The following RPP14 variants were observed in gnomAD, a reference collection of about 807,000 sequenced individuals.
RPP14 encodes the protein ribonuclease P protein subunit p14.
A neutral mutation model predicts 17.8 loss-of-function variants in RPP14; 19 were observed. The observed-to-expected ratio is 1.07, with a 90% CI of 0.74 to 1.57. RPP14 has a LOEUF of 1.57. Among genes scored for constraint, RPP14 ranks in the 40% most tolerant of loss-of-function variants. The pLI is 0.00. For synonymous variants in RPP14, 60 were observed against 56.4 expected (o/e 1.06, Z -0.29); for missense variants, 125 against 140.8 (o/e 0.89, Z 0.57).
intron 1 of RPP14, chr3:58,306,793 G>A (rs890825634): frequency 6.6e-6 from 1 of 152,058 alleles, no homozygotes; most frequent in African/African-American, 2.4e-5. Flanking sequence ...AGTGTTTTAG[G>A]GCCTTGGGAA....
intron 1 of RPP14, among the ~76,000 whole-genome samples, chr3:58,308,222 C>A (rs763289179): frequency 6.6e-6 from 1 of 152,052 alleles, no homozygotes; most frequent in Non-Finnish European, 1.5e-5. Context: ...ATATATAGGC[C>A]TATACCACTA....
At position 58,310,505 on chromosome 3, in the gene RPP14, A is replaced by C; in HGVS notation, c.78-2A>C. 1 of 1,604,714 alleles carries C rather than the reference A, an allele frequency of 6.2e-7. No homozygotes were observed. Among genetic ancestry groups the C allele is most frequent in the Non-Finnish European group, 8.5e-7 (1 of 1,176,824 alleles). ...GACTTTTTTTTTTTTCACTTTTTTT[A>C]GAGAATTTCAAGATTGTGGAGTTGG... On this transcript the variant is annotated splice_acceptor_variant, in intron 2 of 5. Transcript: ENST00000295959. LOFTEE classifies it high-confidence loss of function.
chr3:58,313,506 T>G (rs2097484674), intron 3 of RPP14, among the ~76,000 whole-genome samples: 1 of 152,154 alleles, frequency 6.6e-6, no homozygotes, highest in African/African-American at 2.4e-5. Flanking sequence ...AATTTAAAAC[T>G]TTTACTCTGC....
At chr3:58,315,470 T>C (rs993450150) in intron 3 of RPP14, among the ~76,000 whole-genome samples, 2 of 152,174 alleles carry the variant, frequency 1.3e-5, no homozygotes, top group African/African-American at 4.8e-5. Flanking sequence ...GTGGTAGTTA[T>C]ATGAAGCTAC....
At chr3:58,315,575 C>A (rs1352871494) in intron 3 of RPP14, 1 of 152,198 alleles carries the variant, frequency 6.6e-6, no homozygotes, top group African/African-American at 2.4e-5. Flanking sequence ...TGTACCAATA[C>A]CAGTTTTGTA....
chr3:58,314,788 G>A (rs2097486594), intron 3 of RPP14, among the ~76,000 whole-genome samples: 1 of 149,092 alleles, frequency 6.7e-6, no homozygotes, highest in Admixed American at 6.8e-5. Context: ...AGGTTCAGGC[G>A]ATTCTCCTGT....
chr3:58,315,203 C>G (rs536358772), intron 3 of RPP14, among the ~76,000 whole-genome samples: 1 of 151,958 alleles, frequency 6.6e-6, no homozygotes, highest in Non-Finnish European at 1.5e-5. Context: ...GGAATATACT[C>G]GACAGTGAAA....
chr3:58,317,778 CT>C lies in RPP14; in HGVS notation c.*284del, dbSNP rs1363458691. On this transcript the variant is annotated 3_prime_UTR_variant, in exon 6 of 6. Transcript: ENST00000295959. ...CCTTCACACAGACTGATGTGGCTAC[CT>C]TCTCAGAATTAACAGGGGATGTCAA... is the stretch of plus-strand genomic sequence containing the variant. The C allele has an allele frequency of 1.4e-6, 1 of 703,134 alleles. No homozygotes were observed. Among genetic ancestry groups the C allele is most frequent in the Non-Finnish European group, 2.6e-6 (1 of 385,004 alleles). The allele number at this position is 703,134 out of a possible 1,614,324, so 43.6% of individuals were successfully genotyped here.
intron 3 of RPP14, among the ~76,000 whole-genome samples, chr3:58,312,853 T>A (rs1312378693): frequency 1.3e-5 from 2 of 150,080 alleles, no homozygotes; most frequent in African/African-American, 4.9e-5. Context: ...CCCAGCTACT[T>A]GGAAGACTGA....
rs1329487898 is a variant in RPP14 at position 58,320,190 on chromosome 3, C to T, written c.*2694C>T. 2.0e-5 allele frequency: 3 copies of T among 151,950 alleles called. No homozygotes were observed. The highest frequency in any genetic ancestry group is 2.9e-5 in the Non-Finnish European group (2 of 68,000). The allele number at this position is 151,950 out of a possible 1,614,324, so 9.4% of individuals were successfully genotyped here. A position where few individuals can be genotyped will look rare whatever the true frequency, so the allele number is the denominator to read the frequency against. Reference sequence around the variant, plus strand: ...TGAATAATATTCCATTGTATTTACCCATACATCAGTTGATATTTGGATTAT... The same window carrying T: ...TGAATAATATTCCATTGTATTTACCTATACATCAGTTGATATTTGGATTAT... On this transcript the variant is annotated 3_prime_UTR_variant, in exon 6 of 6. Coordinates refer to ENST00000295959, the MANE Select transcript of RPP14 (RefSeq NM_007042.6).
intron 3 of RPP14, among the ~76,000 whole-genome samples, chr3:58,315,039 C>T (rs751643377): frequency 6.6e-6 from 1 of 152,124 alleles, no homozygotes; most frequent in Non-Finnish European, 1.5e-5. Flanking sequence ...AGCATTAGCA[C>T]TCCTGGGCAT....
Position 58,309,964 on chromosome 3 carries a change from C to T in RPP14, c.-21-345C>T, listed in dbSNP as rs2107500308. The T allele has an allele frequency of 9.8e-6, 2 of 204,080 alleles. 1 individual carries two copies. Among genetic ancestry groups the T allele is most frequent in the South Asian group, 1.7e-4 (2 of 11,652 alleles). 12.6% of individuals were successfully genotyped at this position (204,080 alleles called of 1,614,324 possible). A position where few individuals can be genotyped will look rare whatever the true frequency, so the allele number is the denominator to read the frequency against. ...CTTGTAATCCCAGCACTTTGGGAGG[C>T]TGAGTTGGGCAAATTGCTTGAGCCC... On this transcript the variant is annotated intron_variant, in intron 1 of 5. Transcript: ENST00000295959.
At chr3:58,316,119 C>A (rs567422777) in intron 3 of RPP14, among the ~76,000 whole-genome samples, 1 of 152,334 alleles carries the variant, frequency 6.6e-6, no homozygotes, top group South Asian at 2.1e-4. Context: ...AACAAACAGA[C>A]ATGGCCTCTG....
Position 58,317,553 on chromosome 3 carries a change from C to A in RPP14, c.*57C>A. ...CCACTCTCATATTTATTTTTTGGTG[C>A]CTGCATGTTTGAAGACTGAAGCAGG... On this transcript the variant is annotated 3_prime_UTR_variant, in exon 6 of 6. Transcript: ENST00000295959. 2 of 1,205,804 alleles carry A rather than the reference C, an allele frequency of 1.7e-6. No individual in the cohort carries two copies. Among genetic ancestry groups the A allele is most frequent in the Non-Finnish European group, 2.4e-6 (2 of 821,594 alleles). 74.7% of individuals were successfully genotyped at this position (1,205,804 alleles called of 1,614,324 possible).
chr3:58,317,703 C>G lies in RPP14; in HGVS notation c.*207C>G. ...ACCTGCCAGTGCTGACCCTGCAGCA[C>G]TTTCAGCATATGCACATCAAAGTTG... On this transcript the variant is annotated 3_prime_UTR_variant, in exon 6 of 6. Transcript: ENST00000295959. The G allele has an allele frequency of 2.8e-6, 2 of 704,306 alleles. No individual in the cohort carries two copies. Among genetic ancestry groups the G allele is most frequent in the Non-Finnish European group, 5.2e-6 (2 of 385,234 alleles). 43.6% of individuals were successfully genotyped at this position (704,306 alleles called of 1,614,324 possible).
intron 3 of RPP14, among the ~76,000 whole-genome samples, chr3:58,315,003 C>CTA (rs549587864): frequency 2.6e-4 from 40 of 152,030 alleles, no homozygotes; most frequent in Non-Finnish European, 5.4e-4. Context: ...CTTTAACAAA[C>CTA]TAAACGTGCA....
In RPP14 at chr3:58,316,918, T is replaced by G; in HGVS notation, c.243T>G (p.Gly81=). The change falls in exon 5 of 6, where the codon GGT becomes GGG. Residue 81 remains glycine, a synonymous_variant. Transcript: ENST00000295959. ...LSAILRICSS[G]LVKLWSSLTL... ...TATTTTCTTGATCTTTCTGCAGTGG[T>G]CTTGTCAAATTGTGGAGCTCTTTGA... 6.2e-7 allele frequency: 1 copy of G among 1,613,084 alleles called. No homozygotes were observed. Among genetic ancestry groups the G allele is most frequent in the Non-Finnish European group, 8.5e-7 (1 of 1,179,298 alleles).
chr3:58,314,446 TA>T (rs2097486048), intron 3 of RPP14, among the ~76,000 whole-genome samples: 1 of 152,158 alleles, frequency 6.6e-6, no homozygotes, highest in Admixed American at 6.6e-5. Flanking sequence ...GACATTTTGC[TA>T]AAGAGAATGT....
In RPP14 at chr3:58,310,408, T is replaced by C. The variant is rs778980854; in HGVS notation, c.77+2T>C. On this transcript the variant is annotated splice_donor_variant, in intron 2 of 5. Coordinates refer to ENST00000295959, the MANE Select transcript of RPP14 (RefSeq NM_007042.6). LOFTEE classifies it high-confidence loss of function. ...GTACCACTACATGAAAGTCTGCCTGTAAGTTTAGTTTCCTAAGTTCTATTT... is the reference window on the plus strand; with the variant it reads ...GTACCACTACATGAAAGTCTGCCTGCAAGTTTAGTTTCCTAAGTTCTATTT... 79 of 1,613,574 alleles carry C rather than the reference T, an allele frequency of 4.9e-5. No homozygotes were observed. The highest frequency in any genetic ancestry group is 6.6e-5 in the Non-Finnish European group (78 of 1,179,614).
Sources: allele counts gnomAD v4.1 joint callset (sites outside exome capture counted in the v4.1 genomes callset), GRCh38; gene constraint gnomAD v4.1.1; transcripts MANE v1.5; gene names NCBI Gene and HGNC (gene_info 2026-07-23, HGNC 2026-07-21).